FTCDNL1: variants seen among roughly 807,000 people sequenced by gnomAD.
The protein encoded by FTCDNL1 is formiminotransferase N-terminal subdomain-containing protein.
Under a neutral mutation model 5.9 loss-of-function variants are expected in FTCDNL1, and 11 were observed. That is an observed-to-expected ratio of 1.87 (90% CI 1.18 to 3.10). FTCDNL1 has a LOEUF of 3.10. Ranked by LOEUF, FTCDNL1 falls within the 30% of genes most tolerant of loss-of-function variation. FTCDNL1 has a pLI of 0.00. For missense variants in FTCDNL1, 115 were observed against 65.5 expected (o/e 1.76, Z -2.61); for synonymous variants, 58 against 24.8 (o/e 2.34, Z -3.99).
chr2:199,834,826 G>A (rs756322425), intron 3 of FTCDNL1, among the ~76,000 whole-genome samples: 5 of 152,028 alleles, frequency 3.3e-5, no homozygotes, highest in Admixed American at 6.6e-5. Context: ...TTCTAATTTC[G>A]TTGCTACGTT....
chr2:199,804,869 G>A (rs1350314343), downstream of FTCDNL1, among the ~76,000 whole-genome samples: 2 of 152,174 alleles, frequency 1.3e-5, no homozygotes, highest in African/African-American at 2.4e-5. Flanking sequence ...GTCAACAGTT[G>A]TTGAACTTAA....
chr2:199,735,532 T>A, the FTCDNL1 span, among the ~76,000 whole-genome samples: 5 of 152,166 alleles, frequency 3.3e-5, no homozygotes, highest in Non-Finnish European at 5.9e-5. Flanking sequence ...TCCTATTCCA[T>A]GCTTCCTTGG....
At chr2:199,712,164 T>C in the FTCDNL1 span, among the ~76,000 whole-genome samples, 2 of 152,166 alleles carry the variant, frequency 1.3e-5, no homozygotes, top group African/African-American at 2.4e-5. Flanking sequence ...ATCATCATCA[T>C]GGAATAAACT....
At chr2:199,685,898 TC>T in the FTCDNL1 span, among the ~76,000 whole-genome samples, 14 of 152,236 alleles carry the variant, frequency 9.2e-5, no homozygotes, top group Non-Finnish European at 1.6e-4. Flanking sequence ...CCTGATGTGT[TC>T]CTAGAAAGCC....
the FTCDNL1 span, among the ~76,000 whole-genome samples, chr2:199,674,062 T>C: frequency 6.6e-6 from 1 of 152,144 alleles, no homozygotes; most frequent in Non-Finnish European, 1.5e-5. Context: ...GAAAGATATT[T>C]ACTATGCTGC....
At chr2:199,718,213 C>A in the FTCDNL1 span, among the ~76,000 whole-genome samples, 1 of 152,174 alleles carries the variant, frequency 6.6e-6, no homozygotes, top group East Asian at 1.9e-4. Context: ...CCTCATCCCC[C>A]TCCCCACCTT....
downstream of FTCDNL1, among the ~76,000 whole-genome samples, chr2:199,809,111 G>A (rs991477400): frequency 8.6e-5 from 13 of 151,996 alleles, no homozygotes; most frequent in Admixed American, 1.3e-4. Flanking sequence ...TTCCATCTTC[G>A]TTGTAATCAT....
At chr2:199,759,874 G>A (rs975117690), downstream of FTCDNL1, among the ~76,000 whole-genome samples, 4 of 152,026 alleles carry the variant, frequency 2.6e-5, no homozygotes, top group African/African-American at 9.7e-5. Context: ...TAAACAACAT[G>A]GCCACACCAT....
intron 3 of FTCDNL1, among the ~76,000 whole-genome samples, chr2:199,797,320 T>C (rs1490367288): frequency 6.6e-6 from 1 of 152,220 alleles, no homozygotes; most frequent in Non-Finnish European, 1.5e-5. Context: ...TTATTCTAAG[T>C]AAGCAGAAAG....
At chr2:199,726,445 A>G in the FTCDNL1 span, among the ~76,000 whole-genome samples, 1 of 152,120 alleles carries the variant, frequency 6.6e-6, no homozygotes, top group Admixed American at 6.6e-5. Flanking sequence ...GAGGTGTTGC[A>G]ATCATTTGGA....
chr2:199,689,047 C>T, the FTCDNL1 span, among the ~76,000 whole-genome samples: 1 of 152,050 alleles, frequency 6.6e-6, no homozygotes, highest in African/African-American at 2.4e-5. Context: ...ATTTATAATA[C>T]CAAAACATAT....
Position 199,768,623 on chromosome 2 carries a change from C to A in FTCDNL1, c.212-7788G>T, listed in dbSNP as rs146025476. 5.3e-5 allele frequency among the ~76,000 whole-genome samples: 8 copies of A among 151,958 alleles called. No homozygotes were observed. The East Asian group carries it at 1.4e-3, about 26-fold the overall frequency. ...AGAAGGAAGAATAAGGAAGGAAAAGCAGACCAATTAAAGAGTAATGGCAGG... is the reference window on the plus strand; with the variant it reads ...AGAAGGAAGAATAAGGAAGGAAAAGAAGACCAATTAAAGAGTAATGGCAGG... On this transcript the variant is annotated intron_variant, in intron 3 of 3. Coordinates refer to the FTCDNL1 transcript ENST00000416668.
At chr2:199,682,471 G>A in the FTCDNL1 span, among the ~76,000 whole-genome samples, 2 of 151,966 alleles carry the variant, frequency 1.3e-5, no homozygotes, top group African/African-American at 4.8e-5. Context: ...TATATATTGT[G>A]GGAATAAAAA....
At chr2:199,683,026 G>C in the FTCDNL1 span, among the ~76,000 whole-genome samples, 1 of 152,164 alleles carries the variant, frequency 6.6e-6, no homozygotes, top group African/African-American at 2.4e-5. Flanking sequence ...ATTGTGAGGA[G>C]AGAACACAGT....
rs1425986068 is a variant in FTCDNL1, at chr2:199,776,970, G to A, written c.212-16135C>T. 7.7e-3 allele frequency among the ~76,000 whole-genome samples: 1,085 copies of A among 141,458 alleles called. 17 individuals carry two copies. The highest frequency in any genetic ancestry group is 0.024 in the African/African-American group (933 of 38,626). 92.8% of individuals were successfully genotyped at this position (141,458 alleles called of 152,430 possible). A position where few individuals can be genotyped will look rare whatever the true frequency, so the allele number is the denominator to read the frequency against. On this transcript the variant is annotated intron_variant, in intron 3 of 3. Coordinates refer to the FTCDNL1 transcript ENST00000416668. The stretch of plus-strand genomic sequence containing the variant: ...GAGATGTGTGTATATGTGTGTGTGT[G>A]TGTGTGTGTGTGTGTGTGTGTGTGT...
intron 3 of FTCDNL1, among the ~76,000 whole-genome samples, chr2:199,791,375 T>C (rs1450945183): frequency 6.6e-6 from 1 of 152,162 alleles, no homozygotes. Context: ...ATTATACATT[T>C]AAGTAAAGTT....
intron 3 of FTCDNL1, among the ~76,000 whole-genome samples, chr2:199,770,905 C>G (rs907651082): frequency 4.6e-5 from 7 of 152,216 alleles, no homozygotes; most frequent in Admixed American, 1.3e-4. Context: ...ACAGAGAGAG[C>G]TGCACAGAGC....
intron 3 of FTCDNL1, among the ~76,000 whole-genome samples, chr2:199,841,849 G>A (rs1329319074): frequency 6.6e-6 from 1 of 152,128 alleles, no homozygotes; most frequent in Non-Finnish European, 1.5e-5. Flanking sequence ...CTATCATGCA[G>A]GCAGAGTGAT....
At chr2:199,706,593 C>T in the FTCDNL1 span, among the ~76,000 whole-genome samples, 2 of 152,154 alleles carry the variant, frequency 1.3e-5, no homozygotes, top group African/African-American at 4.8e-5. Flanking sequence ...ATGCCTTTAT[C>T]CTAGACGTCT....
Sources: gnomAD v4.1 joint callset for allele counts (sites outside exome capture counted in the v4.1 genomes callset) on GRCh38, gnomAD v4.1.1 for gene constraint, MANE v1.5 for transcripts, NCBI Gene and HGNC (gene_info 2026-07-23, HGNC 2026-07-21) for gene names.